The following NUTM2F variants were observed in gnomAD, a reference collection of about 807,000 sequenced individuals.
NUTM2F encodes NUT family member 2F, also known as family with sequence similarity 22, member F.
A neutral mutation model predicts 43.3 loss-of-function variants in NUTM2F; 22 were observed. The observed-to-expected ratio is 0.51, with a 90% CI of 0.36 to 0.73. NUTM2F has a LOEUF of 0.73. Among genes scored for constraint, NUTM2F ranks in the 30% least tolerant of loss-of-function variants. The pLI, the probability that NUTM2F is intolerant of heterozygous loss-of-function variation, is 0.00. For synonymous variants in NUTM2F, 202 were observed against 389.0 expected (o/e 0.52, Z 5.66); for missense variants, 488 against 927.4 (o/e 0.53, Z 6.15).
At position 94,320,053 on chromosome 9, in the gene NUTM2F, A is replaced by G. The variant is rs1831336622; in HGVS notation, c.1368+155T>C. 6.6e-6 allele frequency among the ~76,000 whole-genome samples: 1 copy of G among 152,060 alleles called. No homozygotes were observed. The highest frequency in any genetic ancestry group is 2.4e-5 in the African/African-American group (1 of 41,392). ...TAACAAATCACAGACACAAACACAC[A>G]GCAACACACAGACACACACAGTCAC... On this transcript the variant is annotated intron_variant, in intron 5 of 6. Coordinates refer to ENST00000253262, the MANE Select transcript of NUTM2F (RefSeq NM_017561.2). The surrounding 1 kb of genome is among the most constrained non-coding windows in gnomAD (Gnocchi z 4.5).
chr9:94,323,559 C>T (rs1197184353), intron 2 of NUTM2F, among the ~76,000 whole-genome samples: 1 of 152,084 alleles, frequency 6.6e-6, no homozygotes, highest in African/African-American at 2.4e-5. Flanking sequence ...GAGCCCGTGG[C>T]TTTGGGGAGC....
rs1831355806 is a variant in NUTM2F at position 94,320,966 on chromosome 9, C to A, written c.982+127G>T. The A allele has an allele frequency of 6.9e-7, 1 of 1,446,634 alleles. No homozygotes were observed. The highest frequency in any genetic ancestry group is 1.4e-5 in the South Asian group (1 of 69,972). The allele number at this position is 1,446,634 out of a possible 1,614,324, so 89.6% of individuals were successfully genotyped here. A position where few individuals can be genotyped will look rare whatever the true frequency, so the allele number is the denominator to read the frequency against. On this transcript the variant is annotated intron_variant, in intron 4 of 6. Transcript: ENST00000253262. This position sits in a 1 kb window ranked among gnomAD's most constrained non-coding sequence, Gnocchi z 4.5. ...CCTGGTCAATACCCAACATACACTC[C>A]CGGAAGCTGTCCTGTTGGAGGGAGC...
rs759549860 is a variant in NUTM2F at position 94,320,292 on chromosome 9, C to T, written c.1284G>A (p.Pro428=). The T allele has an allele frequency of 3.7e-6, 6 of 1,613,832 alleles. No homozygotes were observed. The highest frequency in any genetic ancestry group is 1.7e-5 in the Admixed American group (1 of 59,992). ...GQREKGKVEQ[P]QEEDGITSDP... is the part of the protein sequence containing the mutation. ...CTGAGGTTATCCCGTCCTCTTCCTGCGGCTGCTCCACTTTGCCCTTTTCCC... is the reference window on the plus strand; with the variant it reads ...CTGAGGTTATCCCGTCCTCTTCCTGTGGCTGCTCCACTTTGCCCTTTTCCC... The change falls in exon 5 of 7, where the codon CCG becomes CCA. Residue 428 remains proline (P), a synonymous_variant. Coordinates refer to ENST00000253262, the MANE Select transcript of NUTM2F (RefSeq NM_017561.2). The surrounding 1 kb of genome is among the most constrained non-coding windows in gnomAD (Gnocchi z 4.5).
At chr9:94,321,337 G>A in intron 3 of NUTM2F, 105 bp from the exon 4 acceptor site, 1 of 1,518,516 alleles carries the variant, frequency 6.6e-7, no homozygotes, top group South Asian at 1.2e-5. Flanking sequence ...CCTCCGGCGG[G>A]CTGTCCAGGC....
chr9:94,324,008 G>A (rs1271367382), intron 2 of NUTM2F, among the ~76,000 whole-genome samples: 1 of 152,288 alleles, frequency 6.6e-6, no homozygotes, highest in Non-Finnish European at 1.5e-5. Flanking sequence ...GGTGGCTCAC[G>A]CCTGCAATCC....
At chr9:94,322,743 C>G (rs1381344031) in intron 2 of NUTM2F, among the ~76,000 whole-genome samples, 1 of 151,774 alleles carries the variant, frequency 6.6e-6, no homozygotes, top group Non-Finnish European at 1.5e-5. Context: ...GGCTCTTGCT[C>G]TCAGCCACAA....
chr9:94,320,994 A>G lies in NUTM2F; in HGVS notation c.982+99T>C, dbSNP rs1444155220. ...GAAGCTGTCCTGTTGGAGGGAGCAA[A>G]TCCCCCTCTTGAAGGGAAGCATGGG... On this transcript the variant is annotated intron_variant, in intron 4 of 6. Transcript: ENST00000253262. This position sits in a 1 kb window ranked among gnomAD's most constrained non-coding sequence, Gnocchi z 4.5. 27 of 1,476,674 alleles carry G rather than the reference A, an allele frequency of 1.8e-5. No individual in the cohort carries two copies. The Admixed American group carries it at 6.3e-4, about 34-fold the overall frequency. 91.5% of individuals were successfully genotyped at this position (1,476,674 alleles called of 1,614,324 possible).
chr9:94,319,612 C>T lies in NUTM2F; in HGVS notation c.1485+1G>A, dbSNP rs777457973. On this transcript the variant is annotated splice_donor_variant, in intron 6 of 6. Coordinates refer to ENST00000253262, the MANE Select transcript of NUTM2F (RefSeq NM_017561.2). LOFTEE classifies it high-confidence loss of function. ...GGGTTCCCCTCCCTCCGCTGCTCTA[C>T]CTGGGCAAGGGTGAGTCCTTCCTCC... 20 of 1,612,302 alleles carry T rather than the reference C, an allele frequency of 1.2e-5. No individual in the cohort carries two copies. The highest frequency in any genetic ancestry group is 1.6e-5 in the Non-Finnish European group (19 of 1,179,858).
At position 94,321,286 on chromosome 9, in the gene NUTM2F, C is replaced by A. The variant is rs774190015; in HGVS notation, c.843-54G>T. ...TGAGAGGGTCCAGGCCCCCTCCCCC[C>A]AGGACCAGGCAGCAGCTGAGGGCAG... On this transcript the variant is annotated intron_variant, in intron 3 of 6. Transcript: ENST00000253262. 111 of 1,544,650 alleles carry A rather than the reference C, an allele frequency of 7.2e-5. 1 individual carries two copies. The Middle Eastern group carries it at 1.1e-3, about 16-fold the overall frequency.
chr9:94,320,464 G>A lies in NUTM2F; in HGVS notation c.1112C>T (p.Ala371Val), dbSNP rs769773918. 1 of 1,608,572 alleles carries A rather than the reference G, an allele frequency of 6.2e-7. No individual in the cohort carries two copies. Residue 371 changes from alanine (A) to valine (V), a missense_variant, in exon 5 of 7, where the codon GCC (alanine) becomes GTC (valine). Coordinates refer to ENST00000253262, the MANE Select transcript of NUTM2F (RefSeq NM_017561.2). This position sits in a 1 kb window ranked among gnomAD's most constrained non-coding sequence, Gnocchi z 4.5. ...PRPQRPAETN[A>V]HLPPPRPQRP... ...CTGGGGCCTGGGTGGTGGCAGGTGG[G>A]CGTTGGTCTCCGCTGGCCTCTGGGG... is the stretch of plus-strand genomic sequence containing the variant.
intron 1 of NUTM2F, among the ~76,000 whole-genome samples, chr9:94,326,614 C>T (rs532407072): frequency 2.0e-5 from 3 of 151,784 alleles, no homozygotes; most frequent in Admixed American, 6.6e-5. Context: ...GCTGATGGTG[C>T]GTGCCTGTAA....
rs752094558 is a variant in NUTM2F at position 94,324,859 on chromosome 9, T to C, written c.713+379A>G. On this transcript the variant is annotated intron_variant, in intron 2 of 6. Coordinates refer to ENST00000253262, the MANE Select transcript of NUTM2F (RefSeq NM_017561.2). ...AAAATTGGCCAGGCATGGTGGCACA[T>C]GCCTGTAATCCCAACTACTCAGGAA... is the stretch of plus-strand genomic sequence containing the variant. Among the ~76,000 whole-genome samples the C allele has an allele frequency of 3.9e-4, 59 of 149,472 alleles. 1 individual carries two copies. The highest frequency in any genetic ancestry group is 3.9e-3 in the South Asian group (18 of 4,654).
chr9:94,322,528 C>T (rs985325384), intron 2 of NUTM2F, among the ~76,000 whole-genome samples, 199 bp from the exon 3 acceptor site: 8 of 152,202 alleles, frequency 5.3e-5, no homozygotes, highest in Admixed American at 2.6e-4. Flanking sequence ...GTGGCCTCTC[C>T]GACTGCCTCT....
In NUTM2F at chr9:94,320,583, G is replaced by A. The variant is rs1831348976; in HGVS notation, c.993C>T (p.Pro331=). The A allele has an allele frequency of 9.3e-6, 15 of 1,606,190 alleles. No individual in the cohort carries two copies. The African/African-American group carries it at 1.3e-4, about 14-fold the overall frequency. Reference sequence around the variant, plus strand: ...TCGGGGCCTTGGGGCCATCCTTGCTGGGAAGGTACACTGAGGCAGAGAGGG... The same window carrying A: ...TCGGGGCCTTGGGGCCATCCTTGCTAGGAAGGTACACTGAGGCAGAGAGGG... ...PEVVKQPVYL[P]SKDGPKAPTA... Residue 331 remains proline, a synonymous_variant, in exon 5 of 7, where the codon CCC becomes CCT. Transcript: ENST00000253262. This position sits in a 1 kb window ranked among gnomAD's most constrained non-coding sequence, Gnocchi z 4.5.
intron 5 of NUTM2F, 41 bp from the exon 6 acceptor site, chr9:94,319,770 G>C (rs766439249): frequency 6.3e-7 from 1 of 1,597,466 alleles, no homozygotes; most frequent in Non-Finnish European, 8.6e-7. Context: ...CCTGGGGAGG[G>C]AGTAACCTGG....
rs141112160 is a variant in NUTM2F at position 94,320,726 on chromosome 9, G to A, written c.983-133C>T. The A allele has an allele frequency of 9.9e-4, 1,353 of 1,360,796 alleles. 11 individuals carry two copies. The African/African-American group carries it at 0.016, about 16-fold the overall frequency. The allele number at this position is 1,360,796 out of a possible 1,614,324, so 84.3% of individuals were successfully genotyped here. A position where few individuals can be genotyped will look rare whatever the true frequency, so the allele number is the denominator to read the frequency against. On this transcript the variant is annotated intron_variant, in intron 4 of 6. Transcript: ENST00000253262. The surrounding 1 kb of genome is among the most constrained non-coding windows in gnomAD (Gnocchi z 4.5). Reference sequence around the variant, plus strand: ...AGGACCACCTGAACCACAGCGCCCCGGAGGAGACGCCACAGGAGGGGCACA... The same window carrying A: ...AGGACCACCTGAACCACAGCGCCCCAGAGGAGACGCCACAGGAGGGGCACA...
Position 94,322,375 on chromosome 9 carries a change from T to A in NUTM2F, c.714-46A>T, listed in dbSNP as rs1448708626. 4 of 1,610,528 alleles carry A rather than the reference T, an allele frequency of 2.5e-6. No homozygotes were observed. The South Asian group carries it at 4.4e-5, about 18-fold the overall frequency. On this transcript the variant is annotated intron_variant, in intron 2 of 6. Transcript: ENST00000253262. ...TCCCAGTCTGTAAGCCCACCCTCCA[T>A]CCCGGGCCCACCTGGTCCCAACACC...
chr9:94,324,417 C>T (rs920418699), intron 2 of NUTM2F, among the ~76,000 whole-genome samples: 7 of 151,850 alleles, frequency 4.6e-5, no homozygotes, highest in Non-Finnish European at 7.4e-5. Flanking sequence ...AATCGCAGCA[C>T]TTTGGGAGGC....
chr9:94,326,043 T>A (rs1831449857), intron 1 of NUTM2F, 109 bp from the exon 2 acceptor site: 1 of 1,120,442 alleles, frequency 8.9e-7, no homozygotes, highest in Non-Finnish European at 1.3e-6. Context: ...AGGGAAACTC[T>A]GCAGCTTGCA....
Sources: allele counts gnomAD v4.1 joint callset (sites outside exome capture counted in the v4.1 genomes callset), GRCh38; gene constraint gnomAD v4.1.1; non-coding constraint Gnocchi (gnomAD v3.1); transcripts MANE v1.5; gene names NCBI Gene and HGNC (gene_info 2026-07-23, HGNC 2026-07-21).